TNK2: variants seen among roughly 807,000 people sequenced by gnomAD.
TNK2 encodes the protein tyrosine kinase non receptor 2.
TNK2 carries 83 observed loss-of-function variants against 101.8 expected under a neutral mutation model. The ratio of observed to expected loss-of-function variants is 0.82; its 90% confidence interval spans 0.68 to 0.98. The LOEUF is 0.98. Ranked by LOEUF, TNK2 falls within the 50% of genes least tolerant of loss-of-function variation. The pLI is 0.00. For missense variants in TNK2, 1,665 were observed against 1,483.2 expected, an observed-to-expected ratio of 1.12 and a Z score of -2.01; for synonymous variants, 804 against 633.0, an observed-to-expected ratio of 1.27 and a Z score of -4.06.
chr3:195,869,830 T>G, intron 11 of TNK2: 3 of 545,510 alleles, frequency 5.5e-6, no homozygotes, highest in South Asian at 2.5e-5. Context: ...TAGGGGGAAG[T>G]GAGGAAAGCC....
chr3:195,904,632 G>A (rs1761548542), intron 1 of TNK2, among the ~76,000 whole-genome samples: 1 of 152,150 alleles, frequency 6.6e-6, no homozygotes, highest in Non-Finnish European at 1.5e-5. Context: ...GCAACAGTAT[G>A]AATGTATTTA....
intron 1 of TNK2, chr3:195,895,621 A>C: frequency 1.7e-5 from 22 of 1,266,964 alleles, no homozygotes; most frequent in Admixed American, 4.3e-5. Context: ...GCTGACCCCC[A>C]CCGAGAGCCG....
rs568841435 is a variant in TNK2 at position 195,893,834 on chromosome 3, C to T, written c.-18-5228G>A. ...AGGGGTGGGCAGCTGGGGAGCAGGGCTTTGGGGACTCAGCATCCCAGGCTC... is the reference window on the plus strand; with the variant it reads ...AGGGGTGGGCAGCTGGGGAGCAGGGTTTTGGGGACTCAGCATCCCAGGCTC... On this transcript the variant is annotated intron_variant, in intron 1 of 15. Coordinates refer to ENST00000672887, the MANE Select transcript of TNK2 (RefSeq NM_001382273.1). Among the ~76,000 whole-genome samples, 14 of 152,302 alleles carry T rather than the reference C, an allele frequency of 9.2e-5. No individual in the cohort carries two copies. In the East Asian group the frequency reaches 9.7e-4, roughly 11 times the overall value.
At chr3:195,883,117 G>A (rs1337161548) in intron 5 of TNK2, 40 bp downstream of exon 5, 1 of 1,594,526 alleles carries the variant, frequency 6.3e-7, no homozygotes, top group Non-Finnish European at 8.5e-7. Flanking sequence ...TGGGACCGGA[G>A]CCCTCTCCCT....
chr3:195,901,482 A>G (rs552091620), intron 1 of TNK2, among the ~76,000 whole-genome samples: 5 of 152,210 alleles, frequency 3.3e-5, no homozygotes, highest in African/African-American at 7.2e-5. Flanking sequence ...GAAGAGTCCA[A>G]TGTTGTTACA....
chr3:195,876,693 G>A (rs556762390), intron 9 of TNK2: 450 of 452,782 alleles, frequency 9.9e-4, no homozygotes, highest in South Asian at 1.2e-3. Flanking sequence ...AGCCCCCAGA[G>A]CCCCACCAGC....
chr3:195,872,187 A>T (rs1244297920), intron 10 of TNK2, 89 bp downstream of exon 10: 1 of 1,419,884 alleles, frequency 7.0e-7, no homozygotes, highest in Non-Finnish European at 9.6e-7. Context: ...CGAAAGGGTG[A>T]AGAGCAGATT....
chr3:195,870,328 C>CCCG (rs1744184462), intron 10 of TNK2, 123 bp from the exon 11 acceptor site: 1 of 1,532,214 alleles, frequency 6.5e-7, no homozygotes, highest in East Asian at 2.6e-5. Flanking sequence ...GCACAGGCCT[C>CCCG]CCGCCTCCCA....
At chr3:195,903,644 G>A (rs1037060220) in intron 1 of TNK2, among the ~76,000 whole-genome samples, 2 of 152,112 alleles carry the variant, frequency 1.3e-5, no homozygotes, top group Admixed American at 6.5e-5. Flanking sequence ...TTGAACCCAG[G>A]AGGCAGAGGT....
chr3:195,896,391 C>G (rs1239335599), intron 1 of TNK2: 1 of 309,146 alleles, frequency 3.2e-6, no homozygotes, highest in Non-Finnish European at 6.4e-6. Context: ...CTAGGTGAGG[C>G]TCCCTCTACG....
intron 1 of TNK2, among the ~76,000 whole-genome samples, chr3:195,893,792 G>A (rs1759535579): frequency 6.6e-6 from 1 of 152,166 alleles, no homozygotes; most frequent in Admixed American, 6.5e-5. Context: ...CCAGCTCAGG[G>A]AGCCTCAGCT....
chr3:195,896,025 A>C (rs769078275), intron 1 of TNK2: 4 of 413,668 alleles, frequency 9.7e-6, no homozygotes, highest in Non-Finnish European at 1.9e-5. Context: ...GCAACGCCGC[A>C]CGCGCTGTGC....
At position 195,888,410 on chromosome 3, in the gene TNK2, C is replaced by A; in HGVS notation, c.163+16G>T. 1 of 1,609,970 alleles carries A rather than the reference C, an allele frequency of 6.2e-7. No homozygotes were observed. The highest frequency in any genetic ancestry group is 8.5e-7 in the Non-Finnish European group (1 of 1,177,146). ...AGGGTCAGGGGCAAGACAAGCCAGG[C>A]CAACATCCCACCTACCAGGCCGACC... On this transcript the variant is annotated intron_variant, in intron 2 of 15. Coordinates refer to ENST00000672887, the MANE Select transcript of TNK2 (RefSeq NM_001382273.1). This position sits in a 1 kb window ranked among gnomAD's most constrained non-coding sequence, Gnocchi z 5.3.
chr3:195,896,442 A>T, intron 1 of TNK2: 1 of 270,192 alleles, frequency 3.7e-6, no homozygotes, highest in Non-Finnish European at 7.4e-6. Flanking sequence ...CCCCAAGCAC[A>T]CCAGGGTAGG....
At position 195,879,066 on chromosome 3, in the gene TNK2, C is replaced by T. The variant is rs768172893; in HGVS notation, c.997G>A (p.Gly333Ser). The change falls in exon 7 of 16, where the codon GGC (glycine) becomes AGC (serine). Residue 333 changes from glycine (G) to serine (S), a missense_variant. Gly to Ser is a moderately conservative substitution (Grantham distance 56, BLOSUM62 0). This residue lies in a region of TNK2 where 490 missense variants were observed against 522.5 expected (regional missense o/e 0.94). Transcript: ENST00000672887. ...GCCCTCACCTGACTGCCGTTGAGGC[C>T]GATCCAGGGCTCCTGGCCGTAGGTG... is the stretch of plus-strand genomic sequence containing the variant. ...MFTYGQEPWIGLNGSQILHKI... is the reference protein window; with the variant it reads ...MFTYGQEPWISLNGSQILHKI... 5 of 1,613,692 alleles carry T rather than the reference C, an allele frequency of 3.1e-6. No homozygotes were observed. Among genetic ancestry groups the T allele is most frequent in the South Asian group, 2.2e-5 (2 of 91,090 alleles).
Sources: allele counts gnomAD v4.1 joint callset (sites outside exome capture counted in the v4.1 genomes callset), GRCh38; gene constraint gnomAD v4.1.1; regional missense constraint gnomAD v4.1.1; non-coding constraint Gnocchi (gnomAD v3.1); transcripts MANE v1.5; gene names NCBI Gene and HGNC (gene_info 2026-07-23, HGNC 2026-07-21).